The following PSEN1 variants were observed in gnomAD, a reference collection of about 807,000 sequenced individuals.
PSEN1 encodes the protein presenilin-1.
PSEN1 carries 15 observed loss-of-function variants against 53.5 expected under a neutral mutation model. The ratio of observed to expected loss-of-function variants is 0.28; its 90% confidence interval spans 0.19 to 0.43. The LOEUF (loss-of-function observed/expected upper bound fraction) is 0.43, where lower values mean the gene tolerates loss of function less well. Among genes scored for constraint, PSEN1 ranks in the 20% least tolerant of loss-of-function variants. The pLI is 1.00. For missense variants in PSEN1, 387 were observed against 571.2 expected (o/e 0.68, Z 3.29); for synonymous variants, 208 against 209.8 (o/e 0.99, Z 0.08).
At position 73,170,932 on chromosome 14, in the gene PSEN1, T is replaced by C. The variant is rs1478565878; in HGVS notation, c.223T>C (p.Leu75=). 5 of 1,614,086 alleles carry C rather than the reference T, an allele frequency of 3.1e-6. No homozygotes were observed. The highest frequency in any genetic ancestry group is 3.3e-4 in the Middle Eastern group (2 of 6,084). Residue 75 remains leucine (L), a synonymous_variant, in exon 4 of 12, where the codon TTG becomes CTG. Coordinates refer to ENST00000324501, the MANE Select transcript of PSEN1 (RefSeq NM_000021.4). ...QDEEEDEELT[L]KYGAKHVIML... is the part of the protein sequence containing the mutation. ...TGAGGAAGAAGATGAGGAGCTGACA[T>C]TGAAATATGGCGCCAAGCATGTGAT...
chr14:73,162,254 A>AGAT, intron 3 of PSEN1, among the ~76,000 whole-genome samples: 1 of 151,876 alleles, frequency 6.6e-6, no homozygotes, highest in Middle Eastern at 3.4e-3. Context: ...TAAGAGAAAT[A>AGAT]GATATTAAAT....
intron 3 of PSEN1, among the ~76,000 whole-genome samples, chr14:73,163,805 G>A (rs1434957557): frequency 1.3e-5 from 2 of 152,168 alleles, no homozygotes; most frequent in Non-Finnish European, 2.9e-5. Flanking sequence ...ACAGTTTGTG[G>A]TCAGAGCAAG....
intron 1 of PSEN1, among the ~76,000 whole-genome samples, chr14:73,141,186 C>G (rs1311265132): frequency 6.6e-6 from 1 of 152,160 alleles, no homozygotes; most frequent in Non-Finnish European, 1.5e-5. Context: ...AACTACAGAG[C>G]CAAGCCTATA....
intron 3 of PSEN1, chr14:73,160,030 GC>G: frequency 3.9e-6 from 1 of 257,066 alleles, no homozygotes; most frequent in Non-Finnish European, 8.7e-6. Flanking sequence ...CGCCATATTG[GC>G]CAGGCTGATC....
intron 5 of PSEN1, among the ~76,000 whole-genome samples, chr14:73,175,274 C>T (rs1014757072): frequency 2.6e-5 from 4 of 152,008 alleles, no homozygotes; most frequent in Non-Finnish European, 4.4e-5. Context: ...TTACAGGCGC[C>T]TGCCACCACA....
intron 6 of PSEN1, among the ~76,000 whole-genome samples, chr14:73,192,274 CA>C (rs1407271362): frequency 6.6e-6 from 1 of 151,682 alleles, no homozygotes; most frequent in Non-Finnish European, 1.5e-5. Flanking sequence ...CCTATCTGTA[CA>C]AAAAAAATTA....
intron 8 of PSEN1, among the ~76,000 whole-genome samples, chr14:73,205,203 G>A (rs138907808): frequency 0.016 from 2,443 of 152,074 alleles, 47 homozygotes; most frequent in East Asian, 0.049. Flanking sequence ...CAGGCCGGGC[G>A]TGGTGGCTCA....
At chr14:73,216,496 C>T (rs1899919914) in intron 10 of PSEN1, among the ~76,000 whole-genome samples, 1 of 152,142 alleles carries the variant, frequency 6.6e-6, no homozygotes, top group African/African-American at 2.4e-5. Flanking sequence ...TGTGGTGGCT[C>T]ACGTCTGTAA....
intron 8 of PSEN1, among the ~76,000 whole-genome samples, chr14:73,203,682 T>C (rs1026459703): frequency 6.6e-5 from 10 of 152,236 alleles, no homozygotes; most frequent in Non-Finnish European, 1.3e-4. Flanking sequence ...TTCTGTCGTT[T>C]GACAGAAAAA....
chr14:73,214,557 C>T (rs1191369988), intron 10 of PSEN1, among the ~76,000 whole-genome samples: 4 of 151,222 alleles, frequency 2.6e-5, no homozygotes, highest in African/African-American at 9.7e-5. Flanking sequence ...AGACCAACTA[C>T]CTTCACAATA....
rs202176028 is a variant in PSEN1, at chr14:73,219,649, A to C, written c.*360A>C. ...ACTGACACTGCGAACTCTCAGGACT[A>C]CCGTTACCAAGAGGTTAGGTGAAGT... is the stretch of plus-strand genomic sequence containing the variant. On this transcript the variant is annotated 3_prime_UTR_variant, in exon 12 of 12. Coordinates refer to ENST00000324501, the MANE Select transcript of PSEN1 (RefSeq NM_000021.4). 178 of 330,346 alleles carry C rather than the reference A, an allele frequency of 5.4e-4. No homozygotes were observed. Among genetic ancestry groups the C allele is most frequent in the Non-Finnish European group, 8.9e-4 (153 of 171,224 alleles). The allele number at this position is 330,346 out of a possible 1,614,324, so 20.5% of individuals were successfully genotyped here.
chr14:73,170,902 C>G lies in PSEN1; in HGVS notation c.193C>G (p.Gln65Glu). 6.2e-7 allele frequency: 1 copy of G among 1,614,160 alleles called. No homozygotes were observed. Among genetic ancestry groups the G allele is most frequent in the South Asian group, 1.1e-5 (1 of 91,086 alleles). The change falls in exon 4 of 12, where the codon CAA becomes GAA. Residue 65 changes from glutamine (Q) to glutamate (E), a missense_variant. Gln to Glu is a conservative substitution (Grantham distance 29). Coordinates refer to ENST00000324501, the MANE Select transcript of PSEN1 (RefSeq NM_000021.4). The part of the protein sequence containing the change: ...PQGNSRQVVE[Q>E]DEEEDEELTL... ...GGGTAACTCCCGGCAGGTGGTGGAG[C>G]AAGATGAGGAAGAAGATGAGGAGCT...
At chr14:73,148,251 C>A in intron 3 of PSEN1, 145 bp downstream of exon 3, 1 of 725,882 alleles carries the variant, frequency 1.4e-6, no homozygotes, top group Non-Finnish European at 2.4e-6. Context: ...CAGCTGATTG[C>A]TGGAGGACAC....
At position 73,170,960 on chromosome 14, in the gene PSEN1, T is replaced by G. The variant is rs1266124242; in HGVS notation, c.251T>G (p.Met84Arg). ...TLKYGAKHVI[M>R]LFVPVTLCMV... ...AAATATGGCGCCAAGCATGTGATCA[T>G]GCTCTTTGTCCCTGTGACTCTCTGC... Residue 84 changes from methionine (M) to arginine (R), a missense_variant, in exon 4 of 12, where the codon ATG becomes AGG. By Grantham distance (91) the Met-to-Arg change is moderately conservative. This residue lies in a region of PSEN1 where 169 missense variants were observed against 299.7 expected (regional missense o/e 0.56). Transcript: ENST00000324501. 1 of 1,614,226 alleles carries G rather than the reference T, an allele frequency of 6.2e-7. No homozygotes were observed. The highest frequency in any genetic ancestry group is 8.5e-7 in the Non-Finnish European group (1 of 1,180,034).
intron 7 of PSEN1, chr14:73,197,674 A>G (rs956905947): frequency 4.0e-6 from 1 of 248,192 alleles, no homozygotes; most frequent in Non-Finnish European, 7.9e-6. Context: ...GTTTCTGCTC[A>G]CTGTAGGTTG....
chr14:73,144,977 C>T (rs904064367), intron 1 of PSEN1, among the ~76,000 whole-genome samples: 4 of 152,186 alleles, frequency 2.6e-5, no homozygotes, highest in African/African-American at 7.2e-5. Flanking sequence ...ACTGCAACCT[C>T]CACCTCCCAG....
rs1397029435 is a variant in PSEN1, at chr14:73,148,110, C to G, written c.87+4C>G. On this transcript the variant is annotated splice_donor_region_variant and intron_variant, in intron 3 of 11. Coordinates refer to ENST00000324501, the MANE Select transcript of PSEN1 (RefSeq NM_000021.4). ...GAGCAATACTGTACGTAGCCAGGTA[C>G]AGTGTCAGTCTCTGAAACTGCCTTT... The G allele has an allele frequency of 6.2e-7, 1 of 1,608,554 alleles. No homozygotes were observed. The highest frequency in any genetic ancestry group is 1.1e-5 in the South Asian group (1 of 90,736).
chr14:73,183,938 AC>A (rs1898326219), intron 5 of PSEN1, among the ~76,000 whole-genome samples: 1 of 122,050 alleles, frequency 8.2e-6, no homozygotes, highest in African/African-American at 3.3e-5. Context: ...TGACCCCCCC[AC>A]CTCCCTCCCG....
intron 1 of PSEN1, among the ~76,000 whole-genome samples, chr14:73,139,888 A>G (rs968263962): frequency 2.0e-5 from 3 of 152,190 alleles, no homozygotes; most frequent in Admixed American, 6.5e-5. Flanking sequence ...GCTTTTCACA[A>G]CGCCTTGTAC....
Sources: allele counts gnomAD v4.1 joint callset (sites outside exome capture counted in the v4.1 genomes callset), GRCh38; gene constraint gnomAD v4.1.1; regional missense constraint gnomAD v4.1.1; transcripts MANE v1.5; gene names NCBI Gene and HGNC (gene_info 2026-07-23, HGNC 2026-07-21).